Variants in KIAA1671 observed in about 807,000 individuals in gnomAD.
KIAA1671 encodes uncharacterized protein KIAA1671.
KIAA1671 carries 52 observed loss-of-function variants against 131.2 expected under a neutral mutation model. The ratio of observed to expected loss-of-function variants is 0.40; its 90% confidence interval spans 0.32 to 0.50. The LOEUF is 0.50. Among genes scored for constraint, KIAA1671 ranks in the 20% least tolerant of loss-of-function variants. The pLI is 0.73. For synonymous variants in KIAA1671, 1,003 were observed against 961.6 expected, an observed-to-expected ratio of 1.04 and a Z score of -0.80; for missense variants, 2,360 against 2,364.2, an observed-to-expected ratio of 1.00 and a Z score of 0.04.
intron 9 of KIAA1671, chr22:25,179,642 T>C (rs965526150): frequency 4.1e-6 from 3 of 734,366 alleles, no homozygotes; most frequent in Non-Finnish European, 4.5e-6. Context: ...TTTCTTGTTA[T>C]GCAGAACTTA....
intron 6 of KIAA1671, chr22:25,056,871 G>A (rs1468580586): frequency 2.0e-5 from 3 of 151,290 alleles, no homozygotes; most frequent in African/African-American, 7.3e-5. Context: ...CACAAGGTGC[G>A]ATGAACAGTG....
chr22:25,068,992 G>A (rs968458490), intron 6 of KIAA1671, among the ~76,000 whole-genome samples: 2 of 147,434 alleles, frequency 1.4e-5, no homozygotes, highest in Non-Finnish European at 1.5e-5. Context: ...TCTTGCATCC[G>A]GCGCTCACTT....
chr22:25,088,281 T>C (rs186165742), intron 6 of KIAA1671, among the ~76,000 whole-genome samples: 1 of 152,172 alleles, frequency 6.6e-6, no homozygotes, highest in Non-Finnish European at 1.5e-5. Context: ...CTAATTTTTG[T>C]ATTCTTAGTA....
At chr22:25,013,000 T>A (rs1479327592) in intron 1 of KIAA1671, 1 of 152,192 alleles carries the variant, frequency 6.6e-6, no homozygotes, top group Non-Finnish European at 1.5e-5. Flanking sequence ...ACTGACTAGG[T>A]TCTAGGAAGG....
chr22:25,002,711 GA>G (rs1924543564), intron 1 of KIAA1671, among the ~76,000 whole-genome samples: 1 of 152,152 alleles, frequency 6.6e-6, no homozygotes, highest in African/African-American at 2.4e-5. Context: ...CCCTCCCTGA[GA>G]AACACTTGGA....
chr22:25,041,579 TA>T (rs1926926269), intron 5 of KIAA1671, 54 bp downstream of exon 5: 1 of 1,457,580 alleles, frequency 6.9e-7, no homozygotes, highest in Non-Finnish European at 9.1e-7. Context: ...ACATCTAGTC[TA>T]GGGGGCCGAA....
intron 1 of KIAA1671, among the ~76,000 whole-genome samples, chr22:24,968,198 AG>A (rs1200888699): frequency 2.0e-5 from 3 of 152,088 alleles, no homozygotes; most frequent in Non-Finnish European, 4.4e-5. Context: ...AAGGTAGGGA[AG>A]GGGGGCGGCG....
At chr22:25,048,380 G>A (rs1927358491) in intron 5 of KIAA1671, among the ~76,000 whole-genome samples, 2 of 152,274 alleles carry the variant, frequency 1.3e-5, no homozygotes, top group East Asian at 1.9e-4. Context: ...ATGGCTCTGC[G>A]GCTGGCCTGG....
At chr22:25,141,722 G>T (rs1331185860) in intron 6 of KIAA1671, among the ~76,000 whole-genome samples, 1 of 152,060 alleles carries the variant, frequency 6.6e-6, no homozygotes, top group Non-Finnish European at 1.5e-5. Context: ...CCAGGCCTAC[G>T]CATGTCCCCA....
At chr22:24,965,766 A>C (rs1242841264) in intron 1 of KIAA1671, among the ~76,000 whole-genome samples, 1 of 151,798 alleles carries the variant, frequency 6.6e-6, no homozygotes, top group Non-Finnish European at 1.5e-5. Flanking sequence ...AAAAAAGAAA[A>C]GGATGAGCTT....
At chr22:25,188,036 C>G (rs554155505) in intron 11 of KIAA1671, among the ~76,000 whole-genome samples, 3 of 152,160 alleles carry the variant, frequency 2.0e-5, no homozygotes, top group Non-Finnish European at 4.4e-5. Context: ...CATGGTGGCT[C>G]ACACCTGTAC....
chr22:25,122,966 C>T (rs1601334753), intron 6 of KIAA1671, among the ~76,000 whole-genome samples: 1 of 151,748 alleles, frequency 6.6e-6, no homozygotes, highest in Non-Finnish European at 1.5e-5. Context: ...CAGAGCAAGA[C>T]TCCATCTCAC....
At chr22:25,135,909 C>G (rs1462547286) in intron 6 of KIAA1671, among the ~76,000 whole-genome samples, 2 of 152,240 alleles carry the variant, frequency 1.3e-5, no homozygotes, top group African/African-American at 4.8e-5. Flanking sequence ...TCCTTTGATG[C>G]TTTGCATCCT....
chr22:24,985,069 T>C (rs1228497833), intron 1 of KIAA1671, among the ~76,000 whole-genome samples: 1 of 151,992 alleles, frequency 6.6e-6, no homozygotes, highest in Non-Finnish European at 1.5e-5. Flanking sequence ...ACGGAGCTGC[T>C]GTCTCTCTGA....
intron 1 of KIAA1671, among the ~76,000 whole-genome samples, chr22:25,017,125 G>A (rs1235151867): frequency 1.3e-5 from 2 of 152,190 alleles, no homozygotes; most frequent in Non-Finnish European, 2.9e-5. Context: ...GCTCATGCCT[G>A]TAATCCCAGC....
intron 5 of KIAA1671, among the ~76,000 whole-genome samples, chr22:25,048,766 C>T (rs1404195884): frequency 6.6e-6 from 1 of 152,136 alleles, no homozygotes; most frequent in East Asian, 1.9e-4. Flanking sequence ...AAAATAAGGT[C>T]ACCAAGAATG....
chr22:25,114,791 T>C (rs16979615), intron 6 of KIAA1671, among the ~76,000 whole-genome samples: 11,480 of 152,266 alleles, frequency 0.075, 1,390 homozygotes, highest in African/African-American at 0.26. Flanking sequence ...CACTTAAATA[T>C]TCGTTTTATG....
intron 1 of KIAA1671, among the ~76,000 whole-genome samples, chr22:24,997,045 T>G (rs1239292206): frequency 6.6e-6 from 1 of 152,208 alleles, no homozygotes; most frequent in Non-Finnish European, 1.5e-5. Context: ...ATTCTTACCC[T>G]CCATGCAGTG....
rs1933956538 is a variant in KIAA1671, at chr22:25,174,467, T to C, written c.4877T>C (p.Val1626Ala). ...CCGGACGCCTGCCCTGAAAAGAGAG[T>C]AGATGACTTCTCCTTCATTGATGTA... ...PPPDACPEKR[V>A]DDFSFIDQTS... Residue 1626 changes from valine to alanine, a missense_variant, in exon 8 of 13, where the codon GTA becomes GCA. Transcript: ENST00000358431. The C allele has an allele frequency of 2.6e-6, 4 of 1,529,282 alleles. No individual in the cohort carries two copies. The Admixed American group carries it at 8.3e-5, about 32-fold the overall frequency. 94.7% of individuals were successfully genotyped at this position (1,529,282 alleles called of 1,614,324 possible). A position where few individuals can be genotyped will look rare whatever the true frequency, so the allele number is the denominator to read the frequency against.
Sources: gnomAD v4.1 joint callset for allele counts (sites outside exome capture counted in the v4.1 genomes callset) on GRCh38, gnomAD v4.1.1 for gene constraint, MANE v1.5 for transcripts, NCBI Gene and HGNC (gene_info 2026-07-23, HGNC 2026-07-21) for gene names.